Variants in EXOC6 observed in about 807,000 individuals in gnomAD.
The protein encoded by EXOC6 is SEC15-like 1.
A neutral mutation model predicts 112.5 loss-of-function variants in EXOC6; 60 were observed. That is an observed-to-expected ratio of 0.53 (90% CI 0.43 to 0.66). The LOEUF (loss-of-function observed/expected upper bound fraction) is 0.66, where lower values mean the gene tolerates loss of function less well. Among genes scored for constraint, EXOC6 ranks in the 30% least tolerant of loss-of-function variants. EXOC6 has a pLI of 0.00. For synonymous variants in EXOC6, 295 were observed against 308.0 expected (o/e 0.96, Z 0.44); for missense variants, 855 against 957.1 (o/e 0.89, Z 1.41).
chr10:92,891,844 A>T (rs1849518719), intron 1 of EXOC6, among the ~76,000 whole-genome samples: 1 of 152,226 alleles, frequency 6.6e-6, no homozygotes. Context: ...TAGAGAGTGT[A>T]TTCATTAAAA....
intron 15 of EXOC6, among the ~76,000 whole-genome samples, chr10:92,952,603 C>T (rs1853483060): frequency 6.6e-6 from 1 of 152,130 alleles, no homozygotes; most frequent in South Asian, 2.1e-4. Flanking sequence ...TCAACCCCTG[C>T]CTCCCCTTCT....
intron 1 of EXOC6, among the ~76,000 whole-genome samples, chr10:92,859,833 G>A (rs1847819744): frequency 7.1e-6 from 1 of 141,458 alleles, no homozygotes. Flanking sequence ...GTGTGTGTGT[G>A]TGTGTGTGTG....
intron 1 of EXOC6, among the ~76,000 whole-genome samples, chr10:92,865,917 C>T (rs192958531): frequency 1.3e-5 from 2 of 152,006 alleles, no homozygotes; most frequent in Admixed American, 1.3e-4. Flanking sequence ...TATTAATATC[C>T]ACTAAGTGGA....
intron 17 of EXOC6, among the ~76,000 whole-genome samples, chr10:92,958,687 A>G (rs934418516): frequency 2.6e-5 from 4 of 152,172 alleles, no homozygotes; most frequent in Non-Finnish European, 4.4e-5. Context: ...ATGGATGTTG[A>G]CAAAGTGATC....
At chr10:92,848,659 T>C in intron 1 of EXOC6, 25 bp downstream of exon 1, 3 of 1,329,588 alleles carry the variant, frequency 2.3e-6, no homozygotes, top group Non-Finnish European at 2.9e-6. Context: ...CCACCGGGAC[T>C]TCGGCCCCCC....
chr10:92,970,254 G>A (rs942480351), intron 17 of EXOC6, among the ~76,000 whole-genome samples: 7 of 152,140 alleles, frequency 4.6e-5, no homozygotes, highest in African/African-American at 1.2e-4. Context: ...GAAAAAATGC[G>A]TGGTGCATCT....
upstream of EXOC6, chr10:92,848,442 C>CA: frequency 3.4e-6 from 3 of 880,098 alleles, no homozygotes; most frequent in Non-Finnish European, 4.2e-6. Context: ...CGCCCCGCCC[C>CA]CGCCCCGCCC....
At chr10:92,948,171 A>T in intron 13 of EXOC6, 103 bp from the exon 14 acceptor site, 2 of 679,774 alleles carry the variant, frequency 2.9e-6, no homozygotes, top group Non-Finnish European at 4.8e-6. Flanking sequence ...ATAGACAAGT[A>T]AAAACTGCTT....
chr10:92,916,909 T>C (rs1589826891), intron 7 of EXOC6, among the ~76,000 whole-genome samples: 1 of 152,166 alleles, frequency 6.6e-6, no homozygotes, highest in Non-Finnish European at 1.5e-5. Flanking sequence ...TTGTAGATTA[T>C]ATTCCTAAAT....
chr10:92,971,276 C>G (rs1330878599), intron 17 of EXOC6, among the ~76,000 whole-genome samples: 1 of 152,154 alleles, frequency 6.6e-6, no homozygotes, highest in Non-Finnish European at 1.5e-5. Flanking sequence ...GATCTCCTGA[C>G]CCCGTGATTC....
chr10:93,045,584 A>G (rs750494066), intron 20 of EXOC6, among the ~76,000 whole-genome samples: 6 of 152,178 alleles, frequency 3.9e-5, no homozygotes, highest in African/African-American at 1.2e-4. Flanking sequence ...TTGTTGCTCA[A>G]GTTCTTCCAA....
chr10:92,831,175 C>T, upstream of EXOC6: 1 of 374,350 alleles, frequency 2.7e-6, no homozygotes, highest in Admixed American at 3.5e-5. Context: ...AGAAACTGCA[C>T]TTAGCAGGAC....
At chr10:92,963,222 C>T (rs1370643215) in intron 17 of EXOC6, among the ~76,000 whole-genome samples, 2 of 152,090 alleles carry the variant, frequency 1.3e-5, no homozygotes, top group African/African-American at 4.8e-5. Flanking sequence ...AATGTATATT[C>T]TGGGGAAAAA....
chr10:92,884,694 A>G (rs1162100436), intron 1 of EXOC6, among the ~76,000 whole-genome samples: 1 of 152,202 alleles, frequency 6.6e-6, no homozygotes, highest in Non-Finnish European at 1.5e-5. Context: ...GAGTAAATAC[A>G]TTTTATTTTC....
At chr10:92,894,742 CAG>C in intron 2 of EXOC6, 50 bp from the exon 3 acceptor site, 1 of 1,431,804 alleles carries the variant, frequency 7.0e-7, no homozygotes, top group Non-Finnish European at 9.8e-7. Context: ...GCAGTTACAT[CAG>C]GGCAGTTTTA....
chr10:92,830,153 A>G (rs939166996), upstream of EXOC6, among the ~76,000 whole-genome samples: 1 of 152,014 alleles, frequency 6.6e-6, no homozygotes, highest in African/African-American at 2.4e-5. Context: ...CTTTCACTTT[A>G]TGGATTTGCC....
intron 1 of EXOC6, among the ~76,000 whole-genome samples, chr10:92,868,968 T>A (rs1848314561): frequency 1.3e-5 from 2 of 152,042 alleles, no homozygotes; most frequent in South Asian, 4.2e-4. Context: ...CCTTTAGTAT[T>A]TTCTCATTAG....
intron 5 of EXOC6, among the ~76,000 whole-genome samples, chr10:92,909,148 T>C (rs1230053381): frequency 1.3e-5 from 2 of 152,186 alleles, no homozygotes; most frequent in Admixed American, 1.3e-4. Context: ...TCATTTAAGG[T>C]ATTAAGATGC....
At chr10:92,992,844 A>G (rs997898674) in intron 18 of EXOC6, among the ~76,000 whole-genome samples, 3 of 151,888 alleles carry the variant, frequency 2.0e-5, no homozygotes, top group African/African-American at 7.2e-5. Flanking sequence ...GAGAGCTACA[A>G]TTTATAACCT....
Sources: gnomAD v4.1 joint callset for allele counts (sites outside exome capture counted in the v4.1 genomes callset) on GRCh38, gnomAD v4.1.1 for gene constraint, MANE v1.5 for transcripts, NCBI Gene and HGNC (gene_info 2026-07-23, HGNC 2026-07-21) for gene names.